Variants in MRPL48 observed in about 807,000 individuals in gnomAD.
The protein encoded by MRPL48 is large ribosomal subunit protein mL48.
Under a neutral mutation model 32.9 loss-of-function variants are expected in MRPL48, and 16 were observed. The ratio of observed to expected loss-of-function variants is 0.49; its 90% CI spans 0.33 to 0.74. The LOEUF is 0.74. MRPL48 is among the 30% of genes least tolerant of loss of function. The probability of loss-of-function intolerance (pLI) is 0.02; values close to 1 mark genes in which losing one functional copy is unlikely to be tolerated. For synonymous variants in MRPL48, 94 were observed against 89.2 expected, an observed-to-expected ratio of 1.05 and a Z score of -0.31; for missense variants, 206 against 245.3, an observed-to-expected ratio of 0.84 and a Z score of 1.07.
intron 4 of MRPL48, among the ~76,000 whole-genome samples, chr11:73,831,349 C>G (rs1018624284): frequency 1.3e-5 from 2 of 152,102 alleles, no homozygotes; most frequent in African/African-American, 4.8e-5. Context: ...TCAGTGATTT[C>G]CCTTTTTGCA....
chr11:73,809,360 C>T (rs997225763), intron 3 of MRPL48, among the ~76,000 whole-genome samples: 5 of 151,040 alleles, frequency 3.3e-5, no homozygotes, highest in South Asian at 2.1e-4. Flanking sequence ...AAAAATTAGC[C>T]GGGCGTGGTG....
chr11:73,847,535 G>A (rs1948316429), intron 5 of MRPL48, among the ~76,000 whole-genome samples: 3 of 152,022 alleles, frequency 2.0e-5, no homozygotes, highest in Admixed American at 2.0e-4. Flanking sequence ...CTGCCTCTCG[G>A]GTTCACGCCA....
intron 1 of MRPL48, among the ~76,000 whole-genome samples, chr11:73,797,291 A>G (rs922452976): frequency 6.6e-6 from 1 of 152,062 alleles, no homozygotes; most frequent in Non-Finnish European, 1.5e-5. Context: ...TTGTCTGCAT[A>G]CTCCATTTGT....
intron 3 of MRPL48, among the ~76,000 whole-genome samples, chr11:73,822,714 A>G (rs1947804899): frequency 1.3e-5 from 2 of 152,140 alleles, no homozygotes; most frequent in South Asian, 2.1e-4. Context: ...GGAATCCCCA[A>G]ACCCCAGGCC....
chr11:73,860,577 C>G (rs1948567894), intron 6 of MRPL48: 1 of 152,216 alleles, frequency 6.6e-6, no homozygotes, highest in African/African-American at 2.4e-5. Flanking sequence ...TTCCTTTGAT[C>G]TCTAGCAGTT....
intron 3 of MRPL48, among the ~76,000 whole-genome samples, chr11:73,821,755 T>C (rs1277681879): frequency 6.6e-6 from 1 of 152,190 alleles, no homozygotes; most frequent in African/African-American, 2.4e-5. Context: ...TGTTCATTGT[T>C]GTAGCCCCAG....
At chr11:73,811,183 G>C (rs959653768) in intron 3 of MRPL48, among the ~76,000 whole-genome samples, 24 of 152,176 alleles carry the variant, frequency 1.6e-4, no homozygotes, top group African/African-American at 5.8e-4. Context: ...AGTTTCAACT[G>C]TGCTACTGAG....
chr11:73,850,919 G>A lies in MRPL48; in HGVS notation c.371+5943G>A, dbSNP rs143079208. 2,163 of 251,878 alleles carry A rather than the reference G, an allele frequency of 8.6e-3. 39 individuals are homozygous for A. The highest frequency in any genetic ancestry group is 0.042 in the African/African-American group (1,838 of 43,626). 15.6% of individuals were successfully genotyped at this position (251,878 alleles called of 1,614,324 possible). Reference sequence around the variant, plus strand: ...TCTCGATCTCCTGACCTCGTGATCCGCCCTCCTTGGCCTCCCAAAGTGCTG... The same window carrying A: ...TCTCGATCTCCTGACCTCGTGATCCACCCTCCTTGGCCTCCCAAAGTGCTG... On this transcript the variant is annotated intron_variant, in intron 5 of 7. Transcript: ENST00000310614.
chr11:73,848,493 T>TTA (rs1948335294), intron 5 of MRPL48, among the ~76,000 whole-genome samples: 1 of 151,664 alleles, frequency 6.6e-6, no homozygotes, highest in Non-Finnish European at 1.5e-5. Context: ...ATGGGATTTT[T>TTA]TTTTTTTTTT....
chr11:73,813,812 CG>C (rs1398934938), intron 3 of MRPL48, among the ~76,000 whole-genome samples: 1 of 151,664 alleles, frequency 6.6e-6, no homozygotes, highest in East Asian at 2.0e-4. Context: ...GAGGCCGAGG[CG>C]GGTGGATCAC....
intron 4 of MRPL48, among the ~76,000 whole-genome samples, chr11:73,826,418 G>A (rs1434051468): frequency 2.0e-5 from 3 of 152,120 alleles, no homozygotes; most frequent in African/African-American, 7.2e-5. Flanking sequence ...GTTTAGTTGA[G>A]TGAATGAGTT....
chr11:73,822,358 T>C (rs564173317), intron 3 of MRPL48, among the ~76,000 whole-genome samples: 1 of 152,326 alleles, frequency 6.6e-6, no homozygotes, highest in African/African-American at 2.4e-5. Context: ...ACGTGTCCAT[T>C]AAAGTACTTA....
intron 4 of MRPL48, among the ~76,000 whole-genome samples, chr11:73,831,940 C>CAAAAAAAAAAAAAAAAA (rs4019304): frequency 4.5e-5 from 3 of 67,088 alleles, no homozygotes; most frequent in Admixed American, 2.2e-4. Flanking sequence ...AACTCTGTCT[C>CAAAAAAAAAAAAAAAAA]AAAAAAAAAA....
At chr11:73,848,817 A>AC (rs1948340659) in intron 5 of MRPL48, among the ~76,000 whole-genome samples, 1 of 150,282 alleles carries the variant, frequency 6.7e-6, no homozygotes. Context: ...TTCCCTTTGT[A>AC]ATTTTTTTTT....
At chr11:73,809,175 T>C (rs1006831085) in intron 3 of MRPL48, among the ~76,000 whole-genome samples, 8 of 151,848 alleles carry the variant, frequency 5.3e-5, no homozygotes, top group Non-Finnish European at 1.2e-4. Flanking sequence ...ATAATTGTAA[T>C]ACAAACTGTA....
At chr11:73,833,881 T>C (rs930786612) in intron 4 of MRPL48, among the ~76,000 whole-genome samples, 1 of 152,126 alleles carries the variant, frequency 6.6e-6, no homozygotes, top group African/African-American at 2.4e-5. Context: ...TTTTTTGAGA[T>C]GGGCTCACTC....
chr11:73,815,280 G>A (rs2134986573), intron 3 of MRPL48, among the ~76,000 whole-genome samples: 1 of 152,110 alleles, frequency 6.6e-6, no homozygotes, highest in South Asian at 2.1e-4. Flanking sequence ...GCCGGGCGTG[G>A]TGGTGCTCCT....
intron 3 of MRPL48, among the ~76,000 whole-genome samples, chr11:73,812,738 A>ATATATATATATATTTATT (rs112576224): frequency 7.0e-6 from 1 of 142,062 alleles, no homozygotes; most frequent in Non-Finnish European, 1.5e-5. Context: ...ATATATATAT[A>ATATATATATATATTTATT]TATTTATTTA....
chr11:73,822,743 T>C lies in MRPL48; in HGVS notation c.113-2965T>C, dbSNP rs1438419167. Among the ~76,000 whole-genome samples the C allele has an allele frequency of 1.3e-5, 2 of 152,186 alleles. 1 individual carries two copies. The highest frequency in any genetic ancestry group is 4.8e-5 in the African/African-American group (2 of 41,456). On this transcript the variant is annotated intron_variant, in intron 3 of 7. Transcript: ENST00000310614. ...CCAGGCCATGGACCAGTACGTGGTC[T>C]GTGACCTGTTAGGAACCAGGCCACA...
Sources: allele counts gnomAD v4.1 joint callset (sites outside exome capture counted in the v4.1 genomes callset), GRCh38; gene constraint gnomAD v4.1.1; transcripts MANE v1.5; gene names NCBI Gene and HGNC (gene_info 2026-07-23, HGNC 2026-07-21).